GPC5: variants seen among roughly 807,000 people sequenced by gnomAD.
GPC5 encodes glypican 5.
A neutral mutation model predicts 53.9 loss-of-function variants in GPC5; 47 were observed. The ratio of observed to expected loss-of-function variants is 0.87; its 90% CI spans 0.69 to 1.11. The LOEUF is 1.11. GPC5 is among the 50% of genes most tolerant of loss of function. The probability of loss-of-function intolerance (pLI) is 0.00; values close to 1 mark genes in which losing one functional copy is unlikely to be tolerated. For missense variants in GPC5, 748 were observed against 713.1 expected (o/e 1.05, Z -0.56); for synonymous variants, 286 against 263.3 (o/e 1.09, Z -0.84).
At chr13:92,607,205 C>G (rs1213814751) in intron 7 of GPC5, among the ~76,000 whole-genome samples, 1 of 151,906 alleles carries the variant, frequency 6.6e-6, no homozygotes. Flanking sequence ...ACTTTTTTGT[C>G]CTTTGAAAAT....
At chr13:92,339,300 A>G (rs1217844164) in intron 7 of GPC5, among the ~76,000 whole-genome samples, 1 of 151,842 alleles carries the variant, frequency 6.6e-6, no homozygotes, top group Admixed American at 6.6e-5. Context: ...ATGTTTTATT[A>G]TGTCGTGATG....
At chr13:92,024,586 ACT>A (rs772221394) in intron 6 of GPC5, among the ~76,000 whole-genome samples, 1 of 151,868 alleles carries the variant, frequency 6.6e-6, no homozygotes, top group East Asian at 1.9e-4. Context: ...TACTGTCATG[ACT>A]CTCTCTCTGT....
chr13:91,898,088 A>G (rs1200756734), intron 5 of GPC5, among the ~76,000 whole-genome samples: 2 of 152,220 alleles, frequency 1.3e-5, no homozygotes, highest in East Asian at 1.9e-4. Context: ...ACCAGGTCCC[A>G]GTAAAATACC....
chr13:91,827,201 C>G (rs1321875508), intron 5 of GPC5, among the ~76,000 whole-genome samples: 1 of 151,732 alleles, frequency 6.6e-6, no homozygotes, highest in East Asian at 1.9e-4. Context: ...TGAATATGTA[C>G]AACTATTATG....
At chr13:91,996,181 T>C (rs920757211) in intron 6 of GPC5, 5 of 152,266 alleles carry the variant, frequency 3.3e-5, no homozygotes, top group African/African-American at 1.2e-4. Flanking sequence ...ATGTGGTTTA[T>C]GTGTCTGTGT....
chr13:91,488,613 T>G (rs1171778393), intron 2 of GPC5, among the ~76,000 whole-genome samples: 1 of 152,228 alleles, frequency 6.6e-6, no homozygotes, highest in Non-Finnish European at 1.5e-5. Context: ...TCAATACCCT[T>G]GTGATTTTCT....
chr13:92,510,696 C>T (rs976065290), intron 7 of GPC5, among the ~76,000 whole-genome samples: 1 of 152,170 alleles, frequency 6.6e-6, no homozygotes, highest in Non-Finnish European at 1.5e-5. Flanking sequence ...GATGGAGCCA[C>T]GTGGCTCTGG....
In GPC5 at chr13:92,787,667, C is replaced by CAAAAAAAAAAAAAAAAA. The variant is rs71202562; in HGVS notation, c.1562-78599_1562-78598insAAAAAAAAAAAAAAAAA. Among the ~76,000 whole-genome samples the CAAAAAAAAAAAAAAAAA allele has an allele frequency of 1.6e-3, 91 of 56,186 alleles. 1 individual carries two copies. In the East Asian group the frequency reaches 0.026, roughly 16 times the overall value. 36.9% of individuals were successfully genotyped at this position (56,186 alleles called of 152,430 possible). A position where few individuals can be genotyped will look rare whatever the true frequency, so the allele number is the denominator to read the frequency against. ...GGGCAACAGAGAGACCTCATAGCTA[C>CAAAAAAAAAAAAAAAAA]AAAAAAAAAAAAAAAAGAAAAGAAA... is the stretch of plus-strand genomic sequence containing the variant. On this transcript the variant is annotated intron_variant, in intron 7 of 7. Transcript: ENST00000377067.
intron 7 of GPC5, among the ~76,000 whole-genome samples, chr13:92,610,231 A>G (rs1216870320): frequency 6.6e-6 from 1 of 152,130 alleles, no homozygotes; most frequent in Non-Finnish European, 1.5e-5. Context: ...GAGAACAACT[A>G]TTTTGTGAAT....
Position 92,866,281 on chromosome 13 carries a change from G to T in GPC5, c.1562-1G>T. 1 of 1,608,728 alleles carries T rather than the reference G, an allele frequency of 6.2e-7. No individual in the cohort carries two copies. On this transcript the variant is annotated splice_acceptor_variant, in intron 7 of 7. Coordinates refer to ENST00000377067, the MANE Select transcript of GPC5 (RefSeq NM_004466.6). LOFTEE classifies it high-confidence loss of function. The stretch of plus-strand genomic sequence containing the variant: ...CTGTGCTTTCTTATTTGCCTCTACA[G>T]GGATGCCAGATGATATGAACTTCAG...
chr13:91,413,934 A>T (rs1311408716), intron 1 of GPC5, among the ~76,000 whole-genome samples: 1 of 152,236 alleles, frequency 6.6e-6, no homozygotes, highest in African/African-American at 2.4e-5. Context: ...GTCATCTTCA[A>T]ATCAGAATAC....
chr13:91,545,349 C>A (rs147118296), intron 2 of GPC5, among the ~76,000 whole-genome samples: 1 of 152,284 alleles, frequency 6.6e-6, no homozygotes, highest in East Asian at 1.9e-4. Flanking sequence ...TGGATGTGGA[C>A]TGTGAACTCC....
At chr13:92,053,253 G>A (rs771841902) in intron 6 of GPC5, among the ~76,000 whole-genome samples, 16 of 152,250 alleles carry the variant, frequency 1.1e-4, no homozygotes, top group South Asian at 6.2e-4. Flanking sequence ...TATGTTAGGC[G>A]TCAGGCATGT....
At chr13:91,608,258 T>C (rs1594324343) in intron 2 of GPC5, among the ~76,000 whole-genome samples, 1 of 152,314 alleles carries the variant, frequency 6.6e-6, no homozygotes, top group East Asian at 1.9e-4. Flanking sequence ...GTTATAACAA[T>C]ATAGTAATAG....
At chr13:91,478,433 A>G (rs1042953012) in intron 2 of GPC5, among the ~76,000 whole-genome samples, 29 of 151,866 alleles carry the variant, frequency 1.9e-4, no homozygotes, top group Non-Finnish European at 1.5e-5. Flanking sequence ...AAATAAATGT[A>G]ATTTTTGTTT....
Position 92,546,941 on chromosome 13 carries a change from G to T in GPC5, c.1562-319341G>T, listed in dbSNP as rs576108932. On this transcript the variant is annotated intron_variant, in intron 7 of 7. Coordinates refer to ENST00000377067, the MANE Select transcript of GPC5 (RefSeq NM_004466.6). The stretch of plus-strand genomic sequence containing the variant: ...GAAAGGATTCCCTATTTAATAAATG[G>T]TGCTGGGAAAACTGGCTAGCCATAT... Among the ~76,000 whole-genome samples the T allele has an allele frequency of 9.2e-4, 140 of 152,172 alleles. 1 individual carries two copies. The highest frequency in any genetic ancestry group is 1.5e-3 in the Admixed American group (23 of 15,278).
intron 7 of GPC5, among the ~76,000 whole-genome samples, chr13:92,186,893 C>T (rs1465669456): frequency 6.6e-6 from 1 of 152,198 alleles, no homozygotes; most frequent in African/African-American, 2.4e-5. Context: ...GGGAGGATCA[C>T]ATGGGGTTAG....
In GPC5 at chr13:91,998,821, T is replaced by C. The variant is rs192446224; in HGVS notation, c.1401+90764T>C. ...TATGTAATGAGGGCTTATTATTTTT[T>C]GCTGGTCCTGGTATGAGAAAACCTA... On this transcript the variant is annotated intron_variant, in intron 6 of 7. Transcript: ENST00000377067. Among the ~76,000 whole-genome samples the C allele has an allele frequency of 1.9e-3, 293 of 152,330 alleles. 2 individuals carry two copies. Among genetic ancestry groups the C allele is most frequent in the African/African-American group, 6.5e-3 (272 of 41,572 alleles).
At chr13:91,914,210 GA>G (rs1268570192) in intron 6 of GPC5, among the ~76,000 whole-genome samples, 1 of 152,120 alleles carries the variant, frequency 6.6e-6, no homozygotes, top group Non-Finnish European at 1.5e-5. Context: ...ACTGTTAGTT[GA>G]GAATTATAAT....
Sources: allele counts gnomAD v4.1 joint callset (sites outside exome capture counted in the v4.1 genomes callset), GRCh38; gene constraint gnomAD v4.1.1; transcripts MANE v1.5; gene names NCBI Gene and HGNC (gene_info 2026-07-23, HGNC 2026-07-21).